THSD7B: variants seen among roughly 807,000 people sequenced by gnomAD.
THSD7B encodes thrombospondin type-1 domain-containing protein 7B.
A neutral mutation model predicts 213.6 loss-of-function variants in THSD7B; 138 were observed. The ratio of observed to expected loss-of-function variants is 0.65; its 90% CI spans 0.56 to 0.74. The LOEUF is 0.74. Ranked by LOEUF, THSD7B falls within the 30% of genes least tolerant of loss-of-function variation. THSD7B has a pLI of 0.00. For missense variants in THSD7B, 1,931 were observed against 1,991.5 expected, an observed-to-expected ratio of 0.97 and a Z score of 0.58; for synonymous variants, 742 against 687.0, an observed-to-expected ratio of 1.08 and a Z score of -1.25.
intron 12 of THSD7B, among the ~76,000 whole-genome samples, chr2:137,324,001 C>G (rs1045497953): frequency 6.6e-6 from 1 of 152,166 alleles, no homozygotes; most frequent in African/African-American, 2.4e-5. Flanking sequence ...CTCCGAGGCT[C>G]ATAGTAATGA....
chr2:137,639,273 G>A (rs1471092376), intron 20 of THSD7B, among the ~76,000 whole-genome samples: 2 of 152,180 alleles, frequency 1.3e-5, no homozygotes, highest in Non-Finnish European at 2.9e-5. Flanking sequence ...GCTTCGGAGA[G>A]TGGAAGCCCC....
chr2:137,181,666 C>T (rs1680457432), intron 7 of THSD7B, among the ~76,000 whole-genome samples: 1 of 152,096 alleles, frequency 6.6e-6, no homozygotes, highest in Non-Finnish European at 1.5e-5. Context: ...CCATCTGCTG[C>T]CACTTTGGAC....
In THSD7B at chr2:137,676,254, G is replaced by A. The variant is rs189170677; in HGVS notation, c.4740-270G>A. 7.0e-4 allele frequency among the ~76,000 whole-genome samples: 107 copies of A among 152,262 alleles called. No individual in the cohort carries two copies. The East Asian group carries it at 0.011, about 16-fold the overall frequency. ...TGAGAAAAGACGTTCCTGTTGTTGT[G>A]TATCATCAAGAATATAAAAGGAAAA... is the stretch of plus-strand genomic sequence containing the variant. On this transcript the variant is annotated intron_variant, in intron 27 of 27. Transcript: ENST00000409968.
At chr2:136,817,423 A>G (rs1682492678) in intron 1 of THSD7B, among the ~76,000 whole-genome samples, 1 of 151,522 alleles carries the variant, frequency 6.6e-6, no homozygotes. Flanking sequence ...TGTTTTAGAC[A>G]TGAAGTCCTT....
At chr2:136,787,801 A>AT (rs909338321) in intron 1 of THSD7B, among the ~76,000 whole-genome samples, 5 of 149,532 alleles carry the variant, frequency 3.3e-5, no homozygotes, top group African/African-American at 7.4e-5. Context: ...ATCATGAGTG[A>AT]TTTTTTCCAA....
At chr2:136,855,116 T>G (rs1205632618) in intron 1 of THSD7B, among the ~76,000 whole-genome samples, 1 of 152,210 alleles carries the variant, frequency 6.6e-6, no homozygotes, top group Admixed American at 6.5e-5. Flanking sequence ...GGCTTTAGCC[T>G]TACTCGCGTC....
intron 12 of THSD7B, among the ~76,000 whole-genome samples, chr2:137,398,684 G>T (rs1233160889): frequency 2.0e-5 from 3 of 152,106 alleles, no homozygotes; most frequent in African/African-American, 7.2e-5. Context: ...AGCTGTGGTG[G>T]GCTCCACCCA....
At chr2:137,043,299 T>C (rs983386015) in intron 2 of THSD7B, among the ~76,000 whole-genome samples, 1 of 152,192 alleles carries the variant, frequency 6.6e-6, no homozygotes. Flanking sequence ...CAGTTGAAAC[T>C]GGTCACTGCT....
chr2:137,512,131 A>T (rs976518534), intron 15 of THSD7B: 9 of 152,094 alleles, frequency 5.9e-5, no homozygotes. Context: ...CTTTTCTCCC[A>T]TCCAAGTACT....
Position 137,436,853 on chromosome 2 carries a change from C to T in THSD7B, c.2960-13992C>T, listed in dbSNP as rs74452045. Among the ~76,000 whole-genome samples the T allele has an allele frequency of 4.0e-4, 61 of 152,196 alleles. 1 individual carries two copies. In the East Asian group the frequency reaches 0.011, roughly 28 times the overall value. On this transcript the variant is annotated intron_variant, in intron 14 of 27. Transcript: ENST00000409968. ...TTTTGCCTCCCATTTCTCATATCTCCACATTTAGAATTGTACTGTTGACAA... is the reference window on the plus strand; with the variant it reads ...TTTTGCCTCCCATTTCTCATATCTCTACATTTAGAATTGTACTGTTGACAA...
At chr2:136,833,681 G>C (rs2104949467) in intron 1 of THSD7B, among the ~76,000 whole-genome samples, 1 of 152,146 alleles carries the variant, frequency 6.6e-6, no homozygotes, top group East Asian at 1.9e-4. Context: ...ATAGAAGGGG[G>C]TGTTTTTCAC....
intron 12 of THSD7B, among the ~76,000 whole-genome samples, chr2:137,374,577 C>A (rs1265218984): frequency 6.6e-6 from 1 of 152,110 alleles, no homozygotes; most frequent in Non-Finnish European, 1.5e-5. Context: ...ATTTTTTTAA[C>A]CTAAATTGTA....
intron 22 of THSD7B, among the ~76,000 whole-genome samples, chr2:137,656,440 C>T (rs1683237554): frequency 6.6e-6 from 1 of 152,128 alleles, no homozygotes; most frequent in African/African-American, 2.4e-5. Flanking sequence ...TATGAACATC[C>T]ATTTTATGAT....
chr2:137,009,072 G>C (rs1378985705), intron 2 of THSD7B, among the ~76,000 whole-genome samples: 1 of 152,194 alleles, frequency 6.6e-6, no homozygotes, highest in Non-Finnish European at 1.5e-5. Flanking sequence ...GAGGCTATGT[G>C]ATCTCTGGCA....
At chr2:137,634,023 T>G (rs1682788760) in intron 20 of THSD7B, among the ~76,000 whole-genome samples, 1 of 152,122 alleles carries the variant, frequency 6.6e-6, no homozygotes, top group African/African-American at 2.4e-5. Context: ...TCCACTAGTA[T>G]TTGCTATTGT....
At chr2:137,290,004 C>G (rs1177230101) in intron 12 of THSD7B, among the ~76,000 whole-genome samples, 1 of 151,964 alleles carries the variant, frequency 6.6e-6, no homozygotes, top group African/African-American at 2.4e-5. Context: ...AGATAAAAGA[C>G]CTCTTTATAA....
chr2:137,399,436 C>T (rs953011987), intron 12 of THSD7B, among the ~76,000 whole-genome samples: 4 of 152,024 alleles, frequency 2.6e-5, no homozygotes, highest in Admixed American at 6.5e-5. Flanking sequence ...TGAATGATCT[C>T]CCAGCCTTGG....
chr2:137,211,579 T>A (rs148767664), intron 7 of THSD7B, among the ~76,000 whole-genome samples: 1 of 152,052 alleles, frequency 6.6e-6, no homozygotes, highest in Non-Finnish European at 1.5e-5. Flanking sequence ...TTATAAATGA[T>A]CTTAGTTAGG....
chr2:137,183,455 A>G (rs1454718062), intron 7 of THSD7B, among the ~76,000 whole-genome samples: 1 of 152,140 alleles, frequency 6.6e-6, no homozygotes, highest in African/African-American at 2.4e-5. Context: ...TCTTCAGTCA[A>G]TCCAGATGTT....
Sources: allele counts gnomAD v4.1 joint callset (sites outside exome capture counted in the v4.1 genomes callset), GRCh38; gene constraint gnomAD v4.1.1; transcripts MANE v1.5; gene names NCBI Gene and HGNC (gene_info 2026-07-23, HGNC 2026-07-21).